FAM13C: variants seen among roughly 807,000 people sequenced by gnomAD.
FAM13C encodes protein FAM13C.
Under a neutral mutation model 73.2 loss-of-function variants are expected in FAM13C, and 37 were observed. The ratio of observed to expected loss-of-function variants is 0.51; its 90% confidence interval spans 0.39 to 0.67. The LOEUF (loss-of-function observed/expected upper bound fraction) is 0.67. Among genes scored for constraint, FAM13C ranks in the 30% least tolerant of loss-of-function variants. The pLI is 0.00. For synonymous variants in FAM13C, 246 were observed against 260.9 expected (o/e 0.94, Z 0.55); for missense variants, 589 against 715.6 (o/e 0.82, Z 2.02).
In FAM13C at chr10:59,352,237, C is replaced by G. The variant is rs777675659; in HGVS notation, c.324+33G>C. 13 of 1,611,342 alleles carry G rather than the reference C, an allele frequency of 8.1e-6. No homozygotes were observed. The South Asian group carries it at 1.4e-4, about 18-fold the overall frequency. ...GTGGCCTAGCCTAAGAATCACCCGTCTTGGCAAAAGCCTGAGAAGAGAGAG... is the reference window on the plus strand; with the variant it reads ...GTGGCCTAGCCTAAGAATCACCCGTGTTGGCAAAAGCCTGAGAAGAGAGAG... On this transcript the variant is annotated intron_variant, in intron 3 of 13. Coordinates refer to ENST00000618804, the MANE Select transcript of FAM13C (RefSeq NM_198215.4).
At chr10:59,300,599 T>C (rs1429354273) in intron 5 of FAM13C, 1 of 152,114 alleles carries the variant, frequency 6.6e-6, no homozygotes, top group Non-Finnish European at 1.5e-5. Context: ...GTAATAAAGA[T>C]ATATATGAAA....
intron 7 of FAM13C, among the ~76,000 whole-genome samples, chr10:59,269,472 TTG>T (rs1843454836): frequency 6.6e-6 from 1 of 151,102 alleles, no homozygotes; most frequent in Admixed American, 6.6e-5. Context: ...AGGGTAGCTA[TTG>T]TAAGCTACCA....
intron 3 of FAM13C, among the ~76,000 whole-genome samples, chr10:59,328,167 G>A (rs1346472235): frequency 6.6e-6 from 1 of 152,176 alleles, no homozygotes; most frequent in African/African-American, 2.4e-5. Flanking sequence ...TACATTCTGA[G>A]ATAGTTCATA....
intron 4 of FAM13C, among the ~76,000 whole-genome samples, chr10:59,311,456 A>G (rs983404286): frequency 1.3e-5 from 2 of 152,206 alleles, no homozygotes; most frequent in African/African-American, 2.4e-5. Context: ...CTTTGCTTTC[A>G]TCACCTCATT....
intron 5 of FAM13C, 124 bp from the exon 6 acceptor site, chr10:59,283,571 C>T: frequency 1.6e-5 from 14 of 894,678 alleles, no homozygotes; most frequent in Non-Finnish European, 2.4e-5. Flanking sequence ...AACAGTGTGT[C>T]CGCAGCTCCC....
chr10:59,359,400 C>A (rs757304752), intron 1 of FAM13C, among the ~76,000 whole-genome samples: 7 of 152,186 alleles, frequency 4.6e-5, no homozygotes, highest in Non-Finnish European at 8.8e-5. Flanking sequence ...GTTCTTTTTG[C>A]TGCCTAAAAC....
chr10:59,288,146 T>C (rs1249705903), intron 5 of FAM13C, among the ~76,000 whole-genome samples: 1 of 152,188 alleles, frequency 6.6e-6, no homozygotes, highest in Non-Finnish European at 1.5e-5. Flanking sequence ...CAGAGATCCC[T>C]GGTCTCCCAT....
chr10:59,261,095 T>C (rs1033873320), intron 10 of FAM13C, among the ~76,000 whole-genome samples: 1 of 152,192 alleles, frequency 6.6e-6, no homozygotes, highest in Non-Finnish European at 1.5e-5. Context: ...TTTAAAATAC[T>C]GGAAAGAACT....
At chr10:59,313,213 T>C (rs75038542) in intron 4 of FAM13C, among the ~76,000 whole-genome samples, 2,556 of 152,250 alleles carry the variant, frequency 0.017, 77 homozygotes, top group African/African-American at 0.058. Flanking sequence ...CTAGGCCTGG[T>C]TCTTATCCTT....
At chr10:59,350,340 C>T (rs928688019) in intron 3 of FAM13C, among the ~76,000 whole-genome samples, 3 of 152,132 alleles carry the variant, frequency 2.0e-5, no homozygotes, top group African/African-American at 4.8e-5. Flanking sequence ...TTCTGTGAGG[C>T]CAGACTACAG....
At chr10:59,321,627 T>C (rs1850313481) in intron 4 of FAM13C, among the ~76,000 whole-genome samples, 1 of 151,992 alleles carries the variant, frequency 6.6e-6, no homozygotes, top group African/African-American at 2.4e-5. Context: ...CTCATCCTCA[T>C]AAATACATAA....
intron 3 of FAM13C, among the ~76,000 whole-genome samples, chr10:59,334,491 A>C (rs1852455578): frequency 6.6e-6 from 1 of 152,156 alleles, no homozygotes; most frequent in African/African-American, 2.4e-5. Context: ...CATAATAGCA[A>C]AGACTTGGAA....
intron 8 of FAM13C, among the ~76,000 whole-genome samples, chr10:59,268,143 C>T (rs1405927938): frequency 6.6e-6 from 1 of 151,346 alleles, no homozygotes; most frequent in Non-Finnish European, 1.5e-5. Context: ...TTCTGTTCCA[C>T]AATTGGAGAC....
chr10:59,295,439 G>C (rs1023856935), intron 5 of FAM13C, among the ~76,000 whole-genome samples: 2 of 152,160 alleles, frequency 1.3e-5, no homozygotes, highest in African/African-American at 4.8e-5. Flanking sequence ...TAGAAGCTGA[G>C]AGCTGCCCTC....
chr10:59,361,653 A>G (rs958842317), intron 1 of FAM13C, among the ~76,000 whole-genome samples: 5 of 152,158 alleles, frequency 3.3e-5, no homozygotes, highest in African/African-American at 1.2e-4. Flanking sequence ...AGCAAAATAC[A>G]CTACCTGTTA....
rs768651945 is a variant in FAM13C, at chr10:59,269,983, C to T, written c.719G>A (p.Arg240Gln). 1.2e-5 allele frequency: 20 copies of T among 1,613,856 alleles called. No individual in the cohort carries two copies. The Admixed American group carries it at 2.2e-4, about 17-fold the overall frequency. ...TDGDNPLLSPRCSIFSQSQRF... is the reference protein window; with the variant it reads ...TDGDNPLLSPQCSIFSQSQRF... Reference sequence around the variant, plus strand: ...CTGGCTTTGGCTGAAGATGGAGCATCGTGGCGACAGCAGTGGGTTATCACC... The same window carrying T: ...CTGGCTTTGGCTGAAGATGGAGCATTGTGGCGACAGCAGTGGGTTATCACC... The change falls in exon 7 of 14, where the codon CGA becomes CAA. Residue 240 changes from arginine (R) to glutamine (Q), a missense_variant. Transcript: ENST00000618804.
chr10:59,353,083 A>G (rs907004090), intron 2 of FAM13C, among the ~76,000 whole-genome samples: 3 of 152,248 alleles, frequency 2.0e-5, no homozygotes, highest in South Asian at 4.1e-4. Context: ...CCTCTGAACA[A>G]TGCCCTGAAT....
chr10:59,315,324 T>G (rs1849392788), intron 4 of FAM13C, among the ~76,000 whole-genome samples: 1 of 152,204 alleles, frequency 6.6e-6, no homozygotes, highest in African/African-American at 2.4e-5. Context: ...TAAGCAAAAA[T>G]AAGAACATCT....
chr10:59,251,719 A>G, intron 12 of FAM13C, 43 bp from the exon 13 acceptor site: 1 of 1,408,644 alleles, frequency 7.1e-7, no homozygotes, highest in Non-Finnish European at 9.7e-7. Context: ...CACTGGCATA[A>G]TTGAGAGATC....
Sources: allele counts gnomAD v4.1 joint callset (sites outside exome capture counted in the v4.1 genomes callset), GRCh38; gene constraint gnomAD v4.1.1; transcripts MANE v1.5; gene names NCBI Gene and HGNC (gene_info 2026-07-23, HGNC 2026-07-21).